Variants in ELAVL1 observed in about 807,000 individuals in gnomAD.
The protein encoded by ELAVL1 is ELAV like RNA binding protein 1.
A neutral mutation model predicts 28.4 loss-of-function variants in ELAVL1; 1 was observed. The observed-to-expected ratio is 0.04, with a 90% confidence interval of 0.01 to 0.17. The LOEUF (loss-of-function observed/expected upper bound fraction) is 0.17, where lower values mean the gene tolerates loss of function less well. Ranked by LOEUF, ELAVL1 falls within the 10% of genes least tolerant of loss-of-function variation. The probability of loss-of-function intolerance (pLI) is 1.00; values close to 1 mark genes in which losing one functional copy is unlikely to be tolerated. For missense variants in ELAVL1, 157 were observed against 447.2 expected (o/e 0.35, Z 5.85); for synonymous variants, 174 against 183.5 (o/e 0.95, Z 0.42).
At chr19:8,003,477 G>A (rs2081076069) in intron 1 of ELAVL1, among the ~76,000 whole-genome samples, 1 of 151,268 alleles carries the variant, frequency 6.6e-6, no homozygotes, top group African/African-American at 2.4e-5. Context: ...CGGATCACAA[G>A]GTCAGGAGAT....
chr19:7,984,347 A>T (rs1203438631), intron 2 of ELAVL1, among the ~76,000 whole-genome samples: 1 of 152,170 alleles, frequency 6.6e-6, no homozygotes, highest in African/African-American at 2.4e-5. Flanking sequence ...AGGGGTCAGG[A>T]GGGCCCGTCG....
chr19:8,003,355 C>CAA (rs71165248), intron 1 of ELAVL1, among the ~76,000 whole-genome samples: 273 of 60,968 alleles, frequency 4.5e-3, no homozygotes, highest in East Asian at 0.016. Context: ...GAAACTGTCT[C>CAA]AAAAAAAAAA....
At chr19:7,986,364 G>GA (rs1985601797) in intron 2 of ELAVL1, among the ~76,000 whole-genome samples, 1 of 152,228 alleles carries the variant, frequency 6.6e-6, no homozygotes, top group African/African-American at 2.4e-5. Context: ...CAAAAGAAAA[G>GA]AAACAGGCGA....
At chr19:7,994,931 GCAA>G (rs1197101114) in intron 1 of ELAVL1, among the ~76,000 whole-genome samples, 1 of 152,186 alleles carries the variant, frequency 6.6e-6, no homozygotes, top group East Asian at 1.9e-4. Context: ...TCCAGCCTGG[GCAA>G]CAGAGTAAGA....
At chr19:7,983,649 T>A (rs1985524010) in intron 2 of ELAVL1, among the ~76,000 whole-genome samples, 1 of 152,146 alleles carries the variant, frequency 6.6e-6, no homozygotes, top group South Asian at 2.1e-4. Context: ...CTGGACCACC[T>A]GCCTCCTTGG....
chr19:7,988,976 T>C (rs1040773225), intron 2 of ELAVL1, among the ~76,000 whole-genome samples: 2 of 152,056 alleles, frequency 1.3e-5, no homozygotes, highest in African/African-American at 2.4e-5. Flanking sequence ...GAGGTGGTCA[T>C]CAGCTGAGGG....
rs1456636699 is a variant in ELAVL1 at position 7,981,381 on chromosome 19, AG to A, written c.173-196del. Among the ~76,000 whole-genome samples the A allele has an allele frequency of 6.7e-6, 1 of 148,694 alleles. No homozygotes were observed. Among genetic ancestry groups the A allele is most frequent in the African/African-American group, 2.5e-5 (1 of 40,228 alleles). Reference sequence around the variant, plus strand: ...TTTTTTTTTTTTTTTTTAAAGAGATAGGATCTTGCTCTGTCACCCAGGGTGG... The same window carrying A: ...TTTTTTTTTTTTTTTTTAAAGAGATAGATCTTGCTCTGTCACCCAGGGTGG... On this transcript the variant is annotated intron_variant, in intron 2 of 5. Coordinates refer to ENST00000407627, the MANE Select transcript of ELAVL1 (RefSeq NM_001419.3). This position sits in a 1 kb window ranked among gnomAD's most constrained non-coding sequence, Gnocchi z 4.2.
intron 2 of ELAVL1, among the ~76,000 whole-genome samples, chr19:7,988,572 C>G (rs562983301): frequency 4.6e-4 from 70 of 152,292 alleles, no homozygotes; most frequent in Non-Finnish European, 8.5e-4. Context: ...AGACAGGGAA[C>G]AGGACAGTAT....
rs1311924215 is a variant in ELAVL1 at position 7,967,470 on chromosome 19, G to A, written c.656+95C>T. ...TGAAACGCGCTCTCTGACGGGATCA[G>A]TCTATCATCCCCGTGGTTTCTATTC... On this transcript the variant is annotated intron_variant, in intron 5 of 5. Coordinates refer to ENST00000407627, the MANE Select transcript of ELAVL1 (RefSeq NM_001419.3). 8.3e-6 allele frequency: 11 copies of A among 1,333,012 alleles called. No individual in the cohort carries two copies. In the East Asian group the frequency reaches 2.7e-4, roughly 33 times the overall value. 82.6% of individuals were successfully genotyped at this position (1,333,012 alleles called of 1,614,324 possible).
At chr19:8,001,909 G>C in intron 1 of ELAVL1, 2 of 481,540 alleles carry the variant, frequency 4.2e-6, no homozygotes, top group South Asian at 3.5e-5. Context: ...AGCAGTCCCA[G>C]TCCTGACCCT....
chr19:7,971,771 C>A (rs1474828344), intron 4 of ELAVL1, among the ~76,000 whole-genome samples: 1 of 152,240 alleles, frequency 6.6e-6, no homozygotes, highest in East Asian at 1.9e-4. Context: ...CCTCCTCGGG[C>A]CCCAGCGGGA....
rs1790924601 is a variant in ELAVL1, at chr19:7,960,080, T to C, written c.*3403A>G. 1 of 152,246 alleles carries C rather than the reference T, an allele frequency of 6.6e-6. No individual in the cohort carries two copies. The highest frequency in any genetic ancestry group is 2.4e-5 in the African/African-American group (1 of 41,468). 9.4% of individuals were successfully genotyped at this position (152,246 alleles called of 1,614,324 possible). ...CCGATGCCGGACTGGGTAAGTCATG[T>C]CTTTTCAATGCCTGGTGGACAAATG... On this transcript the variant is annotated 3_prime_UTR_variant, in exon 6 of 6. Transcript: ENST00000407627.
intron 2 of ELAVL1, among the ~76,000 whole-genome samples, chr19:7,985,972 C>G (rs1319016511): frequency 6.6e-6 from 1 of 152,230 alleles, no homozygotes. Context: ...GCTGCCTCTG[C>G]GGGGAGCACC....
At chr19:7,968,827 G>A (rs921210988) in intron 4 of ELAVL1, among the ~76,000 whole-genome samples, 3 of 152,212 alleles carry the variant, frequency 2.0e-5, no homozygotes, top group African/African-American at 4.8e-5. Context: ...TGAGTAGCCC[G>A]TCCCTTGAGG....
At chr19:7,984,485 G>A (rs531426111) in intron 2 of ELAVL1, among the ~76,000 whole-genome samples, 6 of 152,338 alleles carry the variant, frequency 3.9e-5, no homozygotes, top group South Asian at 2.1e-4. Flanking sequence ...CGTGTGGCAA[G>A]GGCCTAGGAA....
At position 7,979,557 on chromosome 19, in the gene ELAVL1, A is replaced by T. The variant is rs547218669; in HGVS notation, c.276+1526T>A. Reference sequence around the variant, plus strand: ...ACACATTTTCTAAATAGGGGAGAGAATTCCTAGATGGGGAGTCCAGGGCCA... The same window carrying T: ...ACACATTTTCTAAATAGGGGAGAGATTTCCTAGATGGGGAGTCCAGGGCCA... On this transcript the variant is annotated intron_variant, in intron 3 of 5. Coordinates refer to ENST00000407627, the MANE Select transcript of ELAVL1 (RefSeq NM_001419.3). The surrounding 1 kb of genome is among the most constrained non-coding windows in gnomAD (Gnocchi z 5.4). 6.6e-6 allele frequency among the ~76,000 whole-genome samples: 1 copy of T among 152,338 alleles called. No individual in the cohort carries two copies. Among genetic ancestry groups the T allele is most frequent in the Non-Finnish European group, 1.5e-5 (1 of 68,028 alleles).
At chr19:7,984,072 T>C (rs1985536410) in intron 2 of ELAVL1, among the ~76,000 whole-genome samples, 1 of 152,074 alleles carries the variant, frequency 6.6e-6, no homozygotes, top group Non-Finnish European at 1.5e-5. Flanking sequence ...TGCCACATGC[T>C]CTTCCTCACC....
intron 2 of ELAVL1, among the ~76,000 whole-genome samples, chr19:7,985,655 C>T (rs1985580254): frequency 6.6e-6 from 1 of 152,190 alleles, no homozygotes; most frequent in Non-Finnish European, 1.5e-5. Context: ...TGCCTGGTGT[C>T]AGTGCTCGGG....
chr19:7,992,589 G>A (rs549113529), intron 1 of ELAVL1, among the ~76,000 whole-genome samples: 2 of 152,052 alleles, frequency 1.3e-5, no homozygotes, highest in Admixed American at 6.6e-5. Flanking sequence ...AGGTCGGCGT[G>A]GGGGGGACAA....
Sources: allele counts gnomAD v4.1 joint callset (sites outside exome capture counted in the v4.1 genomes callset), GRCh38; gene constraint gnomAD v4.1.1; non-coding constraint Gnocchi (gnomAD v3.1); transcripts MANE v1.5; gene names NCBI Gene and HGNC (gene_info 2026-07-23, HGNC 2026-07-21).